LRRIQ1: variants seen among roughly 807,000 people sequenced by gnomAD.
LRRIQ1 encodes the protein leucine rich repeats and IQ motif containing 1.
In LRRIQ1, 210 loss-of-function variants were observed where a neutral mutation model predicts 211.9. The ratio of observed to expected loss-of-function variants is 0.99; its 90% CI spans 0.89 to 1.11. The LOEUF (loss-of-function observed/expected upper bound fraction) is 1.11, where lower values mean the gene tolerates loss of function less well. LRRIQ1 is among the 50% of genes most tolerant of loss of function. The pLI, the probability that LRRIQ1 is intolerant of heterozygous loss-of-function variation, is 0.00. For missense variants in LRRIQ1, 2,136 were observed against 1,939.5 expected (o/e 1.10, Z -1.90); for synonymous variants, 699 against 650.1 (o/e 1.08, Z -1.14).
At position 85,173,492 on chromosome 12, in the gene LRRIQ1, A is replaced by G. The variant is rs145811474; in HGVS notation, c.4822+12778A>G. On this transcript the variant is annotated intron_variant, in intron 24 of 26. Transcript: ENST00000393217. ...CCAATGTCAAGGTTCTAGCTAATTC[A>G]ATTCCTGATGAGGGCTCCTGTCTTG... Among the ~76,000 whole-genome samples the G allele has an allele frequency of 6.0e-3, 908 of 152,234 alleles. 13 individuals carry two copies. Among genetic ancestry groups the G allele is most frequent in the African/African-American group, 0.021 (857 of 41,562 alleles).
intron 1 of LRRIQ1, among the ~76,000 whole-genome samples, chr12:85,254,803 A>C (rs1422020673): frequency 2.6e-5 from 4 of 152,022 alleles, no homozygotes; most frequent in Non-Finnish European, 4.4e-5. Flanking sequence ...ATATGTGTTC[A>C]TGTAATATAA....
At chr12:85,260,435 C>T (rs1896252126) in intron 1 of LRRIQ1, among the ~76,000 whole-genome samples, 1 of 143,954 alleles carries the variant, frequency 6.9e-6, no homozygotes, top group South Asian at 2.1e-4. Context: ...ATACTTACTT[C>T]TACTTATTAC....
At chr12:85,213,668 A>G (rs1893944447) in intron 24 of LRRIQ1, among the ~76,000 whole-genome samples, 1 of 152,064 alleles carries the variant, frequency 6.6e-6, no homozygotes, top group Admixed American at 6.6e-5. Flanking sequence ...TAAACTACAA[A>G]TCAATAATAC....
intron 13 of LRRIQ1, among the ~76,000 whole-genome samples, chr12:85,100,536 T>C (rs1886274248): frequency 6.6e-6 from 1 of 151,742 alleles, no homozygotes; most frequent in Admixed American, 6.6e-5. Context: ...GTAATGTATG[T>C]TCTTACACCC....
chr12:85,073,955 C>T (rs1883360229), intron 11 of LRRIQ1, among the ~76,000 whole-genome samples: 1 of 151,960 alleles, frequency 6.6e-6, no homozygotes, highest in African/African-American at 2.4e-5. Flanking sequence ...GTTACTATTC[C>T]ATGCTATAAT....
At chr12:85,051,728 T>C (rs117762669) in intron 6 of LRRIQ1, among the ~76,000 whole-genome samples, 12 of 152,330 alleles carry the variant, frequency 7.9e-5, no homozygotes, top group Non-Finnish European at 1.8e-4. Flanking sequence ...CTGATCTGTT[T>C]ATTCTGAGGA....
chr12:85,257,422 CAAAAT>C (rs1180436575), intron 1 of LRRIQ1, among the ~76,000 whole-genome samples: 1 of 149,980 alleles, frequency 6.7e-6, no homozygotes, highest in Non-Finnish European at 1.5e-5. Context: ...CCCAAACTAA[CAAAAT>C]AAACAGGACT....
At chr12:85,270,489 C>T in the LRRIQ1 span, among the ~76,000 whole-genome samples, 3 of 152,000 alleles carry the variant, frequency 2.0e-5, no homozygotes, top group African/African-American at 2.4e-5. Flanking sequence ...ATTTATTTCT[C>T]GTATGTGATC....
At chr12:85,109,522 A>C (rs1418349880) in intron 15 of LRRIQ1, among the ~76,000 whole-genome samples, 3 of 152,158 alleles carry the variant, frequency 2.0e-5, no homozygotes, top group Non-Finnish European at 4.4e-5. Flanking sequence ...CTTCCAGTTT[A>C]GAAATGTCTT....
intron 24 of LRRIQ1, among the ~76,000 whole-genome samples, chr12:85,229,292 A>AC (rs1894818375): frequency 6.6e-6 from 1 of 152,184 alleles, no homozygotes; most frequent in African/African-American, 2.4e-5. Flanking sequence ...ATTGATTTTA[A>AC]GTATTTTTTT....
At chr12:85,046,182 T>C (rs757934158) in intron 5 of LRRIQ1, 45 bp downstream of exon 5, 1 of 1,139,102 alleles carries the variant, frequency 8.8e-7, no homozygotes, top group Admixed American at 2.0e-5. Flanking sequence ...TTTTATATGA[T>C]TGATCATAGT....
chr12:85,232,897 T>G, intron 26 of LRRIQ1, 141 bp downstream of exon 26: 1 of 586,820 alleles, frequency 1.7e-6, no homozygotes, highest in Non-Finnish European at 3.0e-6. Flanking sequence ...TATCATGTGT[T>G]AAAATAATAA....
At chr12:85,129,900 A>G (rs1480716253) in intron 18 of LRRIQ1, among the ~76,000 whole-genome samples, 2 of 152,224 alleles carry the variant, frequency 1.3e-5, no homozygotes, top group African/African-American at 2.4e-5. Context: ...TAAACCAGGC[A>G]AGAGATAACG....
chr12:85,069,896 T>G (rs929043664), intron 10 of LRRIQ1, among the ~76,000 whole-genome samples: 1 of 152,098 alleles, frequency 6.6e-6, no homozygotes, highest in Admixed American at 6.6e-5. Flanking sequence ...GGTTGCCTGT[T>G]CACTCTGATG....
intron 24 of LRRIQ1, among the ~76,000 whole-genome samples, chr12:85,176,241 C>G (rs1193119735): frequency 6.6e-6 from 1 of 151,936 alleles, no homozygotes; most frequent in African/African-American, 2.4e-5. Flanking sequence ...AAGTTGGATT[C>G]CTAGGTATTT....
At chr12:85,269,287 T>G (rs975382187), downstream of LRRIQ1, among the ~76,000 whole-genome samples, 2 of 151,922 alleles carry the variant, frequency 1.3e-5, no homozygotes, top group East Asian at 3.9e-4. Flanking sequence ...GTGATGGTTT[T>G]CAAAATAGGA....
chr12:85,272,099 C>T, the LRRIQ1 span, among the ~76,000 whole-genome samples: 1 of 152,112 alleles, frequency 6.6e-6, no homozygotes, highest in Non-Finnish European at 1.5e-5. Context: ...TGGTTTGCCT[C>T]AACTGTGATC....
At chr12:85,067,405 T>A (rs1025473647) in intron 10 of LRRIQ1, among the ~76,000 whole-genome samples, 1 of 151,964 alleles carries the variant, frequency 6.6e-6, no homozygotes, top group Admixed American at 6.6e-5. Flanking sequence ...TATATCTACA[T>A]GTAACTATAT....
chr12:85,267,815 C>CTT, downstream of LRRIQ1, among the ~76,000 whole-genome samples: 1 of 152,106 alleles, frequency 6.6e-6, no homozygotes, highest in East Asian at 1.9e-4. Context: ...GTTAAAAGAA[C>CTT]TTTTGTTTTT....
Sources: gnomAD v4.1 joint callset for allele counts (sites outside exome capture counted in the v4.1 genomes callset) on GRCh38, gnomAD v4.1.1 for gene constraint, MANE v1.5 for transcripts, NCBI Gene and HGNC (gene_info 2026-07-23, HGNC 2026-07-21) for gene names.